Variants in CREBBP observed in about 807,000 individuals in gnomAD.
The protein encoded by CREBBP is CREB binding lysine acetyltransferase, also known as CREB-binding protein.
In CREBBP, 19 loss-of-function variants were observed where a neutral mutation model predicts 265.0. The ratio of observed to expected loss-of-function variants is 0.07; its 90% CI spans 0.05 to 0.11. The LOEUF is 0.11. Among genes scored for constraint, CREBBP ranks in the 10% least tolerant of loss-of-function variants. The pLI, the probability that CREBBP is intolerant of heterozygous loss-of-function variation, is 1.00. For missense variants in CREBBP, 2,525 were observed against 3,219.0 expected, an observed-to-expected ratio of 0.78 and a Z score of 5.22; for synonymous variants, 1,457 against 1,223.7, an observed-to-expected ratio of 1.19 and a Z score of -3.98.
intron 16 of CREBBP, among the ~76,000 whole-genome samples, chr16:3,761,135 G>A (rs956789960): frequency 1.3e-5 from 2 of 151,930 alleles, no homozygotes; most frequent in South Asian, 2.1e-4. Context: ...TGTATTTTTA[G>A]TAGAGACTGG....
At chr16:3,772,328 A>AACAC (rs34060381) in intron 13 of CREBBP, among the ~76,000 whole-genome samples, 5,940 of 145,326 alleles carry the variant, frequency 0.041, 182 homozygotes, top group African/African-American at 0.079. Flanking sequence ...CTGAAACACA[A>AACAC]ACACACACAC....
intron 15 of CREBBP, 32 bp downstream of exon 15, chr16:3,769,142 C>T (rs1488916450): frequency 1.2e-6 from 2 of 1,612,952 alleles, no homozygotes; most frequent in African/African-American, 2.7e-5. Flanking sequence ...TTGCGATACG[C>T]AGTCAATGCA....
chr16:3,838,056 A>G lies in CREBBP; in HGVS notation c.798+12241T>C, dbSNP rs8051524. 2.4e-3 allele frequency among the ~76,000 whole-genome samples: 362 copies of G among 152,150 alleles called. 1 individual carries two copies. Among genetic ancestry groups the G allele is most frequent in the African/African-American group, 8.3e-3 (344 of 41,488 alleles). On this transcript the variant is annotated intron_variant, in intron 2 of 30. Coordinates refer to ENST00000262367, the MANE Select transcript of CREBBP (RefSeq NM_004380.3). ...TCTATGCTGCCCAGGCTGTTCTCCA[A>G]CTCACAGGCTCAAGTGATCCTCCGG...
intron 17 of CREBBP, 130 bp downstream of exon 17, chr16:3,758,724 A>T (rs1446712442): frequency 1.3e-6 from 1 of 786,308 alleles, no homozygotes; most frequent in East Asian, 2.6e-5. Flanking sequence ...TTAACAGACA[A>T]CAGTTTTTTA....
chr16:3,801,959 G>A, intron 3 of CREBBP, among the ~76,000 whole-genome samples: 1 of 151,914 alleles, frequency 6.6e-6, no homozygotes, highest in East Asian at 1.9e-4. Flanking sequence ...AGCTCACTGA[G>A]CCCACTCACC....
intron 20 of CREBBP, among the ~76,000 whole-genome samples, chr16:3,750,630 G>A (rs1037731058): frequency 1.3e-5 from 2 of 152,176 alleles, no homozygotes; most frequent in Non-Finnish European, 2.9e-5. Context: ...TAACTCTGCC[G>A]GATAATAAAC....
chr16:3,774,326 A>G (rs781515871), intron 12 of CREBBP, among the ~76,000 whole-genome samples: 14 of 152,102 alleles, frequency 9.2e-5, no homozygotes, highest in South Asian at 4.1e-4. Flanking sequence ...CAGCCTTGGA[A>G]CTCCCACATT....
chr16:3,745,240 T>C (rs371549846), intron 22 of CREBBP, 37 bp downstream of exon 22: 1 of 1,590,886 alleles, frequency 6.3e-7, no homozygotes, highest in African/African-American at 1.3e-5. Context: ...ACTGGCTCTG[T>C]GCAGAACTGC....
chr16:3,738,221 A>G (rs1404137296), intron 26 of CREBBP, among the ~76,000 whole-genome samples: 1 of 151,976 alleles, frequency 6.6e-6, no homozygotes, highest in Non-Finnish European at 1.5e-5. Flanking sequence ...GACTTGTGAT[A>G]GTTGCACTAA....
At chr16:3,762,701 CCT>C (rs1019206881) in intron 16 of CREBBP, among the ~76,000 whole-genome samples, 8 of 152,200 alleles carry the variant, frequency 5.3e-5, no homozygotes, top group African/African-American at 1.7e-4. Context: ...GTCCCCAGCC[CCT>C]GTGACTACTG....
chr16:3,839,830 A>T (rs1482973074), intron 2 of CREBBP, among the ~76,000 whole-genome samples: 2 of 152,034 alleles, frequency 1.3e-5, no homozygotes, highest in East Asian at 3.9e-4. Flanking sequence ...AAAGAAAGAA[A>T]GAGAAGGAAA....
chr16:3,729,532 G>A lies in CREBBP; in HGVS notation c.5515C>T (p.Pro1839Ser), dbSNP rs2151310236. The A allele has an allele frequency of 6.2e-7, 1 of 1,614,204 alleles. No homozygotes were observed. The highest frequency in any genetic ancestry group is 8.5e-7 in the Non-Finnish European group (1 of 1,180,014). Residue 1839 changes from proline (P) to serine (S), a missense_variant, in exon 31 of 31, where the codon CCC becomes TCC. This residue lies in a region of CREBBP where 53 missense variants were observed against 146.3 expected (regional missense o/e 0.36). Transcript: ENST00000262367. ...HAKHCQENKC[P>S]VPFCLNIKHK... is the part of the protein sequence containing the mutation. ...TTGATGTTGAGGCAGAAGGGCACGG[G>A]GCATTTGTTTTCTTGGCAGTGCTTG...
intron 2 of CREBBP, among the ~76,000 whole-genome samples, chr16:3,849,934 C>G (rs375548152): frequency 6.6e-6 from 1 of 152,082 alleles, no homozygotes; most frequent in Admixed American, 6.6e-5. Context: ...GAAATGGATA[C>G]TGTGCCAACA....
rs769407763 is a variant in CREBBP, at chr16:3,729,076, G to A, written c.5971C>T (p.Pro1991Ser). 5 of 1,584,548 alleles carry A rather than the reference G, an allele frequency of 3.2e-6. No individual in the cohort carries two copies. The East Asian group carries it at 6.9e-5, about 22-fold the overall frequency. The change falls in exon 31 of 31, where the codon CCG (proline) becomes TCG (serine). Residue 1991 changes from proline to serine, a missense_variant. This residue lies in a region of CREBBP where 275 missense variants were observed against 276.5 expected (regional missense o/e 0.99). Coordinates refer to ENST00000262367, the MANE Select transcript of CREBBP (RefSeq NM_004380.3). Reference sequence around the variant, plus strand: ...CTCACGGGGGCCATCTGGCTCCCCGGGGTCCCCATGCCCGTGCGTCCTGGG... The same window carrying A: ...CTCACGGGGGCCATCTGGCTCCCCGAGGTCCCCATGCCCGTGCGTCCTGGG... Reference protein sequence around the residue: ...MPPGRTGMGTPGSQMAPVSLN... With the variant: ...MPPGRTGMGTSGSQMAPVSLN...
At position 3,757,332 on chromosome 16, in the gene CREBBP, C is replaced by T. The variant is rs1596852473; in HGVS notation, c.3654G>A (p.Leu1218=). The stretch of plus-strand genomic sequence containing the variant: ...AGGCAGCATCGCGAGGAATGGTACA[C>T]AGCTGCTTCCCATAGCAGCACAAAG... ...PQTLCCYGKQ[L]CTIPRDAAYY... Residue 1218 remains leucine (L), a synonymous_variant, in exon 19 of 31, where the codon CTG becomes CTA. Transcript: ENST00000262367. The T allele has an allele frequency of 1.2e-6, 2 of 1,613,916 alleles. No individual in the cohort carries two copies. Among genetic ancestry groups the T allele is most frequent in the East Asian group, 2.2e-5 (1 of 44,886 alleles).
At chr16:3,750,619 G>T (rs1409888171) in intron 20 of CREBBP, among the ~76,000 whole-genome samples, 1 of 152,208 alleles carries the variant, frequency 6.6e-6, no homozygotes, top group Non-Finnish European at 1.5e-5. Context: ...ACACTCGAAG[G>T]TAACTCTGCC....
At chr16:3,737,419 C>T (rs1186251320) in intron 26 of CREBBP, among the ~76,000 whole-genome samples, 1 of 151,230 alleles carries the variant, frequency 6.6e-6, no homozygotes, top group Non-Finnish European at 1.5e-5. Context: ...GAAGGTTTAA[C>T]AGCAAGGGGC....
intron 2 of CREBBP, among the ~76,000 whole-genome samples, chr16:3,847,669 A>G (rs971490508): frequency 3.3e-5 from 5 of 152,228 alleles, no homozygotes; most frequent in African/African-American, 4.8e-5. Context: ...TGGAATGAAA[A>G]GCCTGGGTGG....
intron 1 of CREBBP, among the ~76,000 whole-genome samples, chr16:3,861,374 G>A (rs1387648490): frequency 3.3e-5 from 5 of 152,350 alleles, no homozygotes; most frequent in African/African-American, 1.2e-4. Context: ...AGCTTGGCAT[G>A]CAGTAAGGAC....
Sources: gnomAD v4.1 joint callset for allele counts (sites outside exome capture counted in the v4.1 genomes callset) on GRCh38, gnomAD v4.1.1 for gene constraint, gnomAD v4.1.1 regional missense constraint, MANE v1.5 for transcripts, NCBI Gene and HGNC (gene_info 2026-07-23, HGNC 2026-07-21) for gene names.